PTS: variants seen among roughly 807,000 people sequenced by gnomAD.
The protein encoded by PTS is 6-pyruvoyltetrahydropterin synthase.
A neutral mutation model predicts 20.6 loss-of-function variants in PTS; 23 were observed. The observed-to-expected ratio is 1.12, with a 90% confidence interval of 0.80 to 1.58. The LOEUF is 1.58. Ranked by LOEUF, PTS falls within the 40% of genes most tolerant of loss-of-function variation. The probability of loss-of-function intolerance (pLI) is 0.00; values close to 1 mark genes in which losing one functional copy is unlikely to be tolerated. For synonymous variants in PTS, 65 were observed against 62.5 expected (o/e 1.04, Z -0.19); for missense variants, 186 against 182.4 (o/e 1.02, Z -0.11).
rs2518352 is a variant in PTS at position 112,229,960 on chromosome 11, C to T, written c.164-248C>T. On this transcript the variant is annotated intron_variant, in intron 2 of 5. Transcript: ENST00000280362. ...AATTTACACCCTTTTCAGCCTTGGC[C>T]GAGTGCCTCTGCTTAGCCAACATTC... 0.71 allele frequency: 399,228 copies of T among 563,132 alleles called. 144,651 individuals carry two copies. Among genetic ancestry groups the T allele is most frequent in the South Asian group, 0.78 (38,416 of 48,950 alleles). 34.9% of individuals were successfully genotyped at this position (563,132 alleles called of 1,614,324 possible). A position where few individuals can be genotyped will look rare whatever the true frequency, so the allele number is the denominator to read the frequency against.
chr11:112,232,526 T>G (rs764537801), intron 4 of PTS, among the ~76,000 whole-genome samples: 3 of 152,236 alleles, frequency 2.0e-5, no homozygotes, highest in Non-Finnish European at 4.4e-5. Context: ...ATGCTTAGAT[T>G]TTTTGCAATA....
At chr11:112,230,725 G>A in intron 4 of PTS, 43 bp downstream of exon 4, 1 of 1,525,890 alleles carries the variant, frequency 6.6e-7, no homozygotes. Flanking sequence ...TTCCCTAACT[G>A]TAATATTTGG....
At chr11:112,230,141 CTT>C (rs1859911884) in intron 2 of PTS, 65 bp from the exon 3 acceptor site, 1 of 1,468,048 alleles carries the variant, frequency 6.8e-7, no homozygotes, top group East Asian at 2.3e-5. Context: ...ATGTTGCTAA[CTT>C]GTGCTTGGAT....
At chr11:112,230,471 G>T (rs1285083770) in intron 3 of PTS, 155 bp from the exon 4 acceptor site, 3 of 808,832 alleles carry the variant, frequency 3.7e-6, no homozygotes, top group Non-Finnish European at 6.4e-6. Context: ...GAAGTACATG[G>T]TGCTTCCATG....
intron 4 of PTS, among the ~76,000 whole-genome samples, chr11:112,231,278 C>T (rs919940516): frequency 6.6e-6 from 1 of 152,186 alleles, no homozygotes; most frequent in African/African-American, 2.4e-5. Context: ...ATTATAAACT[C>T]ACCAGAGCAG....
At chr11:112,232,459 A>G (rs1031085698) in intron 4 of PTS, among the ~76,000 whole-genome samples, 3 of 152,180 alleles carry the variant, frequency 2.0e-5, no homozygotes, top group African/African-American at 7.2e-5. Flanking sequence ...TGTTACTGTT[A>G]TTAATGTACC....
At chr11:112,228,316 A>G (rs1202066737) in intron 1 of PTS, 2 of 483,650 alleles carry the variant, frequency 4.1e-6, no homozygotes, top group Non-Finnish European at 7.4e-6. Context: ...TGGAAGGCCC[A>G]TGAGCAGATC....
rs1859979304 is a variant in PTS, at chr11:112,233,925, G to A, written c.*370G>A. The A allele has an allele frequency of 6.1e-6, 1 of 163,170 alleles. No individual in the cohort carries two copies. The allele number at this position is 163,170 out of a possible 1,614,324, so 10.1% of individuals were successfully genotyped here. ...ATATACATGGTTAAAATGCTTATGT[G>A]ACTTCGAGTAGGTGAATCTTAAAGA... On this transcript the variant is annotated 3_prime_UTR_variant, in exon 6 of 6. Coordinates refer to ENST00000280362, the MANE Select transcript of PTS (RefSeq NM_000317.3).
chr11:112,230,448 G>A (rs1361858493), intron 3 of PTS, 178 bp from the exon 4 acceptor site: 4 of 796,452 alleles, frequency 5.0e-6, no homozygotes, highest in Non-Finnish European at 6.5e-6. Context: ...GCTATACAAT[G>A]AAAAGGATGC....
Position 112,227,902 on chromosome 11 carries a change from A to G in PTS, c.84-692A>G, listed in dbSNP as rs573386641. 2.6e-5 allele frequency among the ~76,000 whole-genome samples: 4 copies of G among 152,332 alleles called. No homozygotes were observed. The South Asian group carries it at 8.3e-4, about 32-fold the overall frequency. ...GAGGATCTCAAAAAAAAGGGGTTGT[A>G]TAATAAGCTTAAACACCTGAGGGTG... On this transcript the variant is annotated intron_variant, in intron 1 of 5. Coordinates refer to ENST00000280362, the MANE Select transcript of PTS (RefSeq NM_000317.3).
Position 112,233,503 on chromosome 11 carries a change from A to T in PTS, c.386A>T (p.Lys129Ile). The T allele has an allele frequency of 6.2e-7, 1 of 1,613,696 alleles. No homozygotes were observed. The highest frequency in any genetic ancestry group is 8.5e-7 in the Non-Finnish European group (1 of 1,179,822). ...GTTCTTCCTGTAGGAGTTCTTTATA[A>T]AGTAAAAGTATACGAAACTGACAAT... is the stretch of plus-strand genomic sequence containing the variant. ...QKVLPVGVLY[K>I]VKVYETDNNI... Residue 129 changes from lysine to isoleucine, a missense_variant, in exon 6 of 6, where the codon AAA (lysine) becomes ATA (isoleucine). Coordinates refer to ENST00000280362, the MANE Select transcript of PTS (RefSeq NM_000317.3).
rs145480672 is a variant in PTS at position 112,229,890 on chromosome 11, G to C, written c.164-318G>C. On this transcript the variant is annotated intron_variant, in intron 2 of 5. Coordinates refer to ENST00000280362, the MANE Select transcript of PTS (RefSeq NM_000317.3). ...GACATTTTCTACTTCTACAGGCAGA[G>C]ACTGAGCAGCATCTTGATGCTCCCT... Among the ~76,000 whole-genome samples, 623 of 152,336 alleles carry C rather than the reference G, an allele frequency of 4.1e-3. 3 individuals are homozygous for C. The highest frequency in any genetic ancestry group is 0.021 in the South Asian group (102 of 4,822).
rs936949628 is a variant in PTS at position 112,233,310 on chromosome 11, T to C, written c.314+77T>C. 20 of 1,553,300 alleles carry C rather than the reference T, an allele frequency of 1.3e-5. 1 individual carries two copies. The South Asian group carries it at 1.8e-4, about 14-fold the overall frequency. On this transcript the variant is annotated intron_variant, in intron 5 of 5. Coordinates refer to ENST00000280362, the MANE Select transcript of PTS (RefSeq NM_000317.3). ...TGAATACTTTGATTGTTGTGTGATT[T>C]CTGAAGTTTTAATTTAATGAAATCT...
Position 112,233,587 on chromosome 11 carries a change from T to A in PTS, c.*32T>A. On this transcript the variant is annotated 3_prime_UTR_variant, in exon 6 of 6. Coordinates refer to ENST00000280362, the MANE Select transcript of PTS (RefSeq NM_000317.3). ...GGGTTAGCATTGCACAAAGCCCAGTTTCTTTCTGTGTTTGAAAAAGATTTT... is the reference window on the plus strand; with the variant it reads ...GGGTTAGCATTGCACAAAGCCCAGTATCTTTCTGTGTTTGAAAAAGATTTT... 2 of 1,612,450 alleles carry A rather than the reference T, an allele frequency of 1.2e-6. No homozygotes were observed.
Position 112,228,669 on chromosome 11 carries a change from T to C in PTS, c.159T>C (p.Tyr53=), listed in dbSNP as rs781197929. 6.2e-7 allele frequency: 1 copy of C among 1,611,230 alleles called. No individual in the cohort carries two copies. Among genetic ancestry groups the C allele is most frequent in the East Asian group, 2.2e-5 (1 of 44,822 alleles). ...ATCCAAATGGCCATGGGCACAATTA[T>C]AAAGGTGAGAGAAAAACTGATGACA... ...CNNPNGHGHN[Y]KVVVTVHGEI... The change falls in exon 2 of 6, where the codon TAT becomes TAC. Residue 53 remains tyrosine, a synonymous_variant. Coordinates refer to ENST00000280362, the MANE Select transcript of PTS (RefSeq NM_000317.3).
intron 1 of PTS, 189 bp from the exon 2 acceptor site, chr11:112,228,405 A>G (rs1859891686): frequency 3.3e-6 from 2 of 611,514 alleles, no homozygotes; most frequent in Non-Finnish European, 5.7e-6. Context: ...ATTAGGGAAT[A>G]TGCCATGGTT....
At chr11:112,230,601 A>G (rs751327385) in intron 3 of PTS, 25 bp from the exon 4 acceptor site, 1 of 1,582,258 alleles carries the variant, frequency 6.3e-7, no homozygotes, top group Non-Finnish European at 8.7e-7. Flanking sequence ...TATCACAGTA[A>G]TATTCACCTT....
In PTS at chr11:112,233,827, T is replaced by G. The variant is rs1482586830; in HGVS notation, c.*272T>G. The G allele has an allele frequency of 7.5e-6, 2 of 266,054 alleles. No individual in the cohort carries two copies. Among genetic ancestry groups the G allele is most frequent in the East Asian group, 1.8e-4 (2 of 11,362 alleles). 16.5% of individuals were successfully genotyped at this position (266,054 alleles called of 1,614,324 possible). A position where few individuals can be genotyped will look rare whatever the true frequency, so the allele number is the denominator to read the frequency against. On this transcript the variant is annotated 3_prime_UTR_variant, in exon 6 of 6. Transcript: ENST00000280362. ...TTCACAAAATGTTTTGGTGTGGGAT[T>G]ATTTGAAAGCAAAAGAAATCTAATT...
chr11:112,233,244 C>G lies in PTS; in HGVS notation c.314+11C>G. 2 of 1,609,778 alleles carry G rather than the reference C, an allele frequency of 1.2e-6. No homozygotes were observed. Among genetic ancestry groups the G allele is most frequent in the Non-Finnish European group, 1.7e-6 (2 of 1,176,106 alleles). ...TGCAGATGTGGTGAGGTGGGTGGCA[C>G]TGTATCTTGCCTTATGTGGATTGTA... is the stretch of plus-strand genomic sequence containing the variant. On this transcript the variant is annotated intron_variant, in intron 5 of 5. Transcript: ENST00000280362.
Sources: gnomAD v4.1 joint callset for allele counts (sites outside exome capture counted in the v4.1 genomes callset) on GRCh38, gnomAD v4.1.1 for gene constraint, MANE v1.5 for transcripts, NCBI Gene and HGNC (gene_info 2026-07-23, HGNC 2026-07-21) for gene names.